Variants in POLR1C observed in about 807,000 individuals in gnomAD.
POLR1C encodes the protein RNA polymerase I and III subunit C.
A neutral mutation model predicts 38.3 loss-of-function variants in POLR1C; 42 were observed. That is an observed-to-expected ratio of 1.10 (90% CI 0.86 to 1.42). The LOEUF is 1.42. POLR1C is among the 40% of genes most tolerant of loss of function. POLR1C has a pLI of 0.00. For missense variants in POLR1C, 507 were observed against 450.5 expected, an observed-to-expected ratio of 1.13 and a Z score of -1.14; for synonymous variants, 163 against 163.9, an observed-to-expected ratio of 0.99 and a Z score of 0.04.
chr6:43,555,095 C>G lies in POLR1C; in HGVS notation c.*48+4084C>G, dbSNP rs1761990229. ...TAGCTGGGATCACAGGCATGCGCCA[C>G]CACGGCAGCTAATTTTTTGTGTTTT... On this transcript the variant is annotated intron_variant, in intron 10 of 10. Coordinates refer to the POLR1C transcript ENST00000607635. 4 of 152,262 alleles carry G rather than the reference C, an allele frequency of 2.6e-5. No homozygotes were observed. In the South Asian group the frequency reaches 8.3e-4, roughly 32 times the overall value. The allele number at this position is 152,262 out of a possible 1,614,324, so 9.4% of individuals were successfully genotyped here. A position where few individuals can be genotyped will look rare whatever the true frequency, so the allele number is the denominator to read the frequency against.
downstream of POLR1C, among the ~76,000 whole-genome samples, chr6:43,532,162 A>G (rs934291365): frequency 2.0e-5 from 3 of 152,124 alleles, no homozygotes; most frequent in African/African-American, 7.2e-5. Context: ...GGTAAGCAAC[A>G]CCTACTTTTT....
At chr6:43,553,607 A>C in intron 10 of POLR1C, 1 of 1,448,624 alleles carries the variant, frequency 6.9e-7, no homozygotes. Flanking sequence ...CTTAGAGAAC[A>C]CCTGAGAATT....
chr6:43,553,312 GAGAAA>G (rs746460482), intron 10 of POLR1C: 26 of 1,544,916 alleles, frequency 1.7e-5, no homozygotes, highest in African/African-American at 4.1e-5. Context: ...AAAATAGAAA[GAGAAA>G]AGAAAAGAAA....
downstream of POLR1C, among the ~76,000 whole-genome samples, chr6:43,529,902 CCT>C (rs1793851664): frequency 7.7e-6 from 1 of 130,160 alleles, no homozygotes; most frequent in Non-Finnish European, 1.6e-5. Context: ...ACACTGAGAC[CCT>C]GTCTCAAAAA....
At chr6:43,560,544 C>T (rs1331780872) in intron 10 of POLR1C, among the ~76,000 whole-genome samples, 4 of 151,886 alleles carry the variant, frequency 2.6e-5, no homozygotes, top group Non-Finnish European at 4.4e-5. Context: ...CTCTTCTTTG[C>T]AAAAAAGGAT....
rs1403419994 is a variant in POLR1C, at chr6:43,560,383, C to T, written c.*49-1017C>T. On this transcript the variant is annotated intron_variant, in intron 10 of 10. Coordinates refer to the POLR1C transcript ENST00000607635. ...ATTATTACTTAGCAGTTATCAACTA[C>T]ATTTTTTCATAGAAATAAATCTGTA... 6.8e-5 allele frequency: 99 copies of T among 1,449,186 alleles called. No individual in the cohort carries two copies. The South Asian group carries it at 1.3e-3, about 19-fold the overall frequency. 89.8% of individuals were successfully genotyped at this position (1,449,186 alleles called of 1,614,324 possible).
downstream of POLR1C, chr6:43,530,567 G>T: frequency 1.7e-6 from 2 of 1,198,884 alleles, no homozygotes; most frequent in Non-Finnish European, 2.3e-6. Flanking sequence ...GATACACTTA[G>T]ATACATAATC....
intron 9 of POLR1C, chr6:43,549,639 A>G (rs1795133585): frequency 2.6e-6 from 4 of 1,558,408 alleles, no homozygotes; most frequent in Non-Finnish European, 3.5e-6. Context: ...GGTGCTGCAT[A>G]GACTCATGTG....
intron 10 of POLR1C, chr6:43,560,164 T>G: frequency 5.6e-6 from 9 of 1,611,184 alleles, no homozygotes; most frequent in Non-Finnish European, 7.6e-6. Flanking sequence ...CATGTTTAGA[T>G]TCCCATTATA....
chr6:43,524,628 C>G (rs1207639450), downstream of POLR1C: 2 of 1,613,702 alleles, frequency 1.2e-6, no homozygotes, highest in East Asian at 2.2e-5. Flanking sequence ...CTCCAGGTAC[C>G]TGGGGCGCTG....
downstream of POLR1C, chr6:43,530,748 G>A (rs759491157): frequency 1.2e-6 from 2 of 1,614,024 alleles, no homozygotes; most frequent in Non-Finnish European, 1.7e-6. Flanking sequence ...GCTGAGCTGA[G>A]AAGCTGGGTA....
At chr6:43,523,379 T>C, downstream of POLR1C, 8 of 288,036 alleles carry the variant, frequency 2.8e-5, no homozygotes, top group South Asian at 2.4e-4. Context: ...CCTTAGGGAG[T>C]GGGGAAAGTT....
chr6:43,531,755 C>T (rs1255933329), downstream of POLR1C, among the ~76,000 whole-genome samples: 4 of 151,974 alleles, frequency 2.6e-5, no homozygotes, highest in Non-Finnish European at 5.9e-5. Flanking sequence ...GTGAAAGCTA[C>T]TTAAGGACCC....
At chr6:43,533,824 A>G (rs1794151096), downstream of POLR1C, 1 of 1,034,302 alleles carries the variant, frequency 9.7e-7, no homozygotes, top group South Asian at 1.3e-5. Flanking sequence ...GACAGAGACT[A>G]TGACTCTTAA....
downstream of POLR1C, chr6:43,533,855 C>T (rs1254443441): frequency 2.9e-6 from 4 of 1,357,192 alleles, no homozygotes; most frequent in East Asian, 5.3e-5. Context: ...AAAAAGGGGA[C>T]ATCCATTAGG....
intron 9 of POLR1C, among the ~76,000 whole-genome samples, chr6:43,542,786 A>G (rs1270114835): frequency 6.6e-6 from 1 of 152,262 alleles, no homozygotes; most frequent in Non-Finnish European, 1.5e-5. Context: ...ATAAATTAGT[A>G]TAACCACTTT....
At chr6:43,555,704 G>A (rs1279356499) in intron 10 of POLR1C, 1 of 1,145,748 alleles carries the variant, frequency 8.7e-7, no homozygotes, top group South Asian at 2.5e-5. Flanking sequence ...TCCCTCTCCA[G>A]GATGAGCAAA....
At chr6:43,517,441 T>A in intron 2 of POLR1C, 64 bp downstream of exon 2, 1 of 1,380,432 alleles carries the variant, frequency 7.2e-7, no homozygotes, top group South Asian at 1.2e-5. Context: ...CTGAGCAGCC[T>A]GTGTCTGTCT....
At chr6:43,561,335 ATC>A (rs1762404606) in intron 10 of POLR1C, 1 of 245,150 alleles carries the variant, frequency 4.1e-6, no homozygotes, top group African/African-American at 2.3e-5. Flanking sequence ...ACCTATTCAC[ATC>A]TCTGTGTCCC....
Sources: allele counts gnomAD v4.1 joint callset (sites outside exome capture counted in the v4.1 genomes callset), GRCh38; gene constraint gnomAD v4.1.1; transcripts MANE v1.5; gene names NCBI Gene and HGNC (gene_info 2026-07-23, HGNC 2026-07-21).